GLIS1: variants seen among roughly 807,000 people sequenced by gnomAD.
GLIS1 encodes the protein GLIS family zinc finger 1.
Under a neutral mutation model 63.8 loss-of-function variants are expected in GLIS1, and 24 were observed. That is an observed-to-expected ratio of 0.38 (90% confidence interval 0.27 to 0.53). The LOEUF (loss-of-function observed/expected upper bound fraction) is 0.53, where lower values mean the gene tolerates loss of function less well. Among genes scored for constraint, GLIS1 ranks in the 20% least tolerant of loss-of-function variants. The probability of loss-of-function intolerance (pLI) is 0.85; values close to 1 mark genes in which losing one functional copy is unlikely to be tolerated. For missense variants in GLIS1, 1,036 were observed against 1,074.1 expected (o/e 0.96, Z 0.50); for synonymous variants, 450 against 482.5 (o/e 0.93, Z 0.88).
At chr1:53,700,650 C>T (rs1269630530) in intron 2 of GLIS1, among the ~76,000 whole-genome samples, 1 of 152,180 alleles carries the variant, frequency 6.6e-6, no homozygotes, top group African/African-American at 2.4e-5. Context: ...ACAAGATTCA[C>T]CCTTTTAAAG....
At chr1:53,517,577 C>G (rs1025057999) in intron 7 of GLIS1, among the ~76,000 whole-genome samples, 5 of 152,122 alleles carry the variant, frequency 3.3e-5, no homozygotes, top group Non-Finnish European at 5.9e-5. Context: ...TTCTCAAGTC[C>G]TCACTGCCCA....
At chr1:53,530,750 C>G (rs1006847644) in intron 4 of GLIS1, among the ~76,000 whole-genome samples, 5 of 151,038 alleles carry the variant, frequency 3.3e-5, no homozygotes, top group Non-Finnish European at 7.4e-5. Flanking sequence ...TCAGCCCTCA[C>G]AGCCACCCAC....
intron 4 of GLIS1, among the ~76,000 whole-genome samples, chr1:53,552,634 G>A (rs532397295): frequency 8.5e-5 from 13 of 152,234 alleles, no homozygotes; most frequent in African/African-American, 2.9e-4. Flanking sequence ...AGAAACACTT[G>A]CCCTCCACCA....
rs529962445 is a variant in GLIS1 at position 53,539,858 on chromosome 1, G to A, written c.1321-9906C>T. Among the ~76,000 whole-genome samples, 1 of 151,592 alleles carries A rather than the reference G, an allele frequency of 6.6e-6. No homozygotes were observed. Among genetic ancestry groups the A allele is most frequent in the East Asian group, 2.0e-4 (1 of 5,122 alleles). ...GTGGCTGGCCTGGCCTGGCCTTGGG[G>A]ACAGCATGCATAGCCTGAGAGATCT... On this transcript the variant is annotated intron_variant, in intron 4 of 10. Transcript: ENST00000628545. This position sits in a 1 kb window ranked among gnomAD's most constrained non-coding sequence, Gnocchi z 5.0.
In GLIS1 at chr1:53,643,467, CACAG is replaced by C. The variant is rs1200904690; in HGVS notation, c.260-43193_260-43190del. 2.0e-4 allele frequency among the ~76,000 whole-genome samples: 30 copies of C among 152,314 alleles called. No individual in the cohort carries two copies. In the East Asian group the frequency reaches 5.6e-3, roughly 28 times the overall value. On this transcript the variant is annotated intron_variant, in intron 2 of 10. Transcript: ENST00000628545. ...TGGTTCTAGTTCAGACTCCATCATG[CACAG>C]ACAGTGTGGCCTTCACAAGCTATGT...
At chr1:53,571,040 T>C (rs1198764502) in intron 4 of GLIS1, among the ~76,000 whole-genome samples, 2 of 150,414 alleles carry the variant, frequency 1.3e-5, no homozygotes, top group South Asian at 4.2e-4. Flanking sequence ...TGACAGAAAA[T>C]ATCAAGAATT....
At chr1:53,729,398 G>A (rs1646837038) in intron 2 of GLIS1, among the ~76,000 whole-genome samples, 1 of 152,118 alleles carries the variant, frequency 6.6e-6, no homozygotes, top group Non-Finnish European at 1.5e-5. Context: ...CAATCATTTG[G>A]CCTCAGCGTG....
At chr1:53,619,494 A>G (rs1360811466) in intron 2 of GLIS1, among the ~76,000 whole-genome samples, 1 of 152,194 alleles carries the variant, frequency 6.6e-6, no homozygotes, top group Non-Finnish European at 1.5e-5. Flanking sequence ...TAAACATTTC[A>G]TCTAAGCCTC....
At chr1:53,534,657 C>G (rs1644564489) in intron 4 of GLIS1, among the ~76,000 whole-genome samples, 1 of 151,552 alleles carries the variant, frequency 6.6e-6, no homozygotes, top group African/African-American at 2.4e-5. Flanking sequence ...CCTCCACCCC[C>G]ACCTGACCAC....
chr1:53,664,070 G>C (rs920496660), intron 2 of GLIS1, among the ~76,000 whole-genome samples: 17 of 152,210 alleles, frequency 1.1e-4, no homozygotes, highest in Admixed American at 5.9e-4. Context: ...CCACTCTGCA[G>C]GGAGTCTGGC....
intron 4 of GLIS1, among the ~76,000 whole-genome samples, chr1:53,578,659 T>C (rs1351583238): frequency 1.3e-5 from 2 of 152,210 alleles, no homozygotes; most frequent in Admixed American, 1.3e-4. Flanking sequence ...CAGGAAAATA[T>C]ACGATTCAAT....
chr1:53,538,619 GC>G (rs967715063), intron 4 of GLIS1, among the ~76,000 whole-genome samples: 2 of 152,162 alleles, frequency 1.3e-5, no homozygotes, highest in Admixed American at 1.3e-4. Flanking sequence ...CAGCTGGCAG[GC>G]CAGGGAGGGC....
At chr1:53,650,325 C>A (rs978772175) in intron 2 of GLIS1, among the ~76,000 whole-genome samples, 1 of 152,166 alleles carries the variant, frequency 6.6e-6, no homozygotes, top group African/African-American at 2.4e-5. Context: ...CGAGGTGGCT[C>A]ACACCTGTAA....
intron 2 of GLIS1, among the ~76,000 whole-genome samples, chr1:53,713,001 A>G (rs1196478996): frequency 6.6e-6 from 1 of 152,240 alleles, no homozygotes; most frequent in African/African-American, 2.4e-5. Context: ...ATGCAGAGGG[A>G]AAAAAGAGAA....
intron 2 of GLIS1, among the ~76,000 whole-genome samples, chr1:53,712,595 C>T (rs966496691): frequency 4.6e-5 from 7 of 152,146 alleles, no homozygotes; most frequent in Admixed American, 1.3e-4. Flanking sequence ...CTTTGAAGGC[C>T]GGGCCCAGCA....
At chr1:53,507,743 A>C (rs1351110972) in intron 10 of GLIS1, among the ~76,000 whole-genome samples, 1 of 152,104 alleles carries the variant, frequency 6.6e-6, no homozygotes, top group African/African-American at 2.4e-5. Context: ...AGGCTGAAAG[A>C]ACCTCCCCTG....
At chr1:53,729,531 T>C (rs539716543) in intron 2 of GLIS1, among the ~76,000 whole-genome samples, 9 of 122,386 alleles carry the variant, frequency 7.4e-5, no homozygotes, top group Admixed American at 2.2e-4. Context: ...CAGGGAAAAA[T>C]AGTAAAGTTC....
At position 53,524,838 on chromosome 1, in the gene GLIS1, G is replaced by A. The variant is rs1480924055; in HGVS notation, c.1532C>T (p.Pro511Leu). The change falls in exon 6 of 11, where the codon CCC becomes CTC. Residue 511 changes from proline to leucine, a missense_variant. By Grantham distance (98) the Pro-to-Leu change is moderately conservative. This residue lies in a region of GLIS1 where 400 missense variants were observed against 400.9 expected (regional missense o/e 1.00). Coordinates refer to ENST00000628545, the MANE Select transcript of GLIS1 (RefSeq NM_001367484.1). ...CTTGACGTGCTTGCGGAGGGAGCTGGGGTCTGTGTAGCGCTTGGAGCAGCC... is the reference window on the plus strand; with the variant it reads ...CTTGACGTGCTTGCGGAGGGAGCTGAGGTCTGTGTAGCGCTTGGAGCAGCC... ...IPGCSKRYTD[P>L]SSLRKHVKAH... 6.2e-7 allele frequency: 1 copy of A among 1,613,488 alleles called. No individual in the cohort carries two copies. The highest frequency in any genetic ancestry group is 8.5e-7 in the Non-Finnish European group (1 of 1,179,972).
chr1:53,633,806 T>TG (rs1441514002), intron 2 of GLIS1, among the ~76,000 whole-genome samples: 1 of 151,350 alleles, frequency 6.6e-6, no homozygotes, highest in Non-Finnish European at 1.5e-5. Context: ...TGTCTCGGCG[T>TG]GGGGGGGATA....
Sources: gnomAD v4.1 joint callset for allele counts (sites outside exome capture counted in the v4.1 genomes callset) on GRCh38, gnomAD v4.1.1 for gene constraint, gnomAD v4.1.1 regional missense constraint, Gnocchi (gnomAD v3.1) non-coding constraint, MANE v1.5 for transcripts, NCBI Gene and HGNC (gene_info 2026-07-23, HGNC 2026-07-21) for gene names.